Variants in CCL16 observed in about 807,000 individuals in gnomAD.
CCL16 encodes C-C motif chemokine 16.
A neutral mutation model predicts 7.5 loss-of-function variants in CCL16; 6 were observed. The ratio of observed to expected loss-of-function variants is 0.80; its 90% CI spans 0.44 to 1.57. CCL16 has a LOEUF of 1.57. Ranked by LOEUF, CCL16 falls within the 40% of genes most tolerant of loss-of-function variation. The pLI, the probability that CCL16 is intolerant of heterozygous loss-of-function variation, is 0.01. For missense variants in CCL16, 134 were observed against 142.9 expected (o/e 0.94, Z 0.32); for synonymous variants, 60 against 57.7 (o/e 1.04, Z -0.18).
In CCL16 at chr17:35,976,939, T is replaced by C. The variant is rs2089641486; in HGVS notation, c.*627A>G. The stretch of plus-strand genomic sequence containing the variant: ...TCTGGAAGGCTGGAAACTGGCTAAG[T>C]ATTTAGAATGGCTTGTGTACTGGTG... On this transcript the variant is annotated 3_prime_UTR_variant, in exon 3 of 3. Transcript: ENST00000611905. 6.6e-6 allele frequency: 1 copy of C among 152,292 alleles called. No individual in the cohort carries two copies. Among genetic ancestry groups the C allele is most frequent in the Non-Finnish European group, 1.5e-5 (1 of 68,142 alleles). 9.4% of individuals were successfully genotyped at this position (152,292 alleles called of 1,614,324 possible).
chr17:35,978,169 G>A lies in CCL16; in HGVS notation c.171C>T (p.Ala57=), dbSNP rs771166279. 4 of 1,614,136 alleles carry A rather than the reference G, an allele frequency of 2.5e-6. No individual in the cohort carries two copies. The Admixed American group carries it at 5.0e-5, about 20-fold the overall frequency. ...PRRLVVGYRK[A]LNCHLPAIIF... The stretch of plus-strand genomic sequence containing the variant: ...TGATTGCTGGCAGGTGACAGTTGAG[G>A]GCCTTTCTGTATCCCACCACTAGTC... The change falls in exon 2 of 3, where the codon GCC becomes GCT. Residue 57 remains alanine, a synonymous_variant. Transcript: ENST00000611905.
At chr17:35,981,313 C>T (rs372500078) in intron 1 of CCL16, 32 bp downstream of exon 1, 10 of 1,537,482 alleles carry the variant, frequency 6.5e-6, no homozygotes, top group East Asian at 2.3e-5. Context: ...CCCCCTTTCT[C>T]GTTCCTGCCC....
At position 35,977,648 on chromosome 17, in the gene CCL16, G is replaced by A. The variant is rs758333118; in HGVS notation, c.281C>T (p.Pro94Leu). 5 of 1,612,294 alleles carry A rather than the reference G, an allele frequency of 3.1e-6. No homozygotes were observed. Among genetic ancestry groups the A allele is most frequent in the Non-Finnish European group, 3.4e-6 (4 of 1,180,012 alleles). Residue 94 changes from proline (P) to leucine (L), a missense_variant, in exon 3 of 3, where the codon CCT (proline) becomes CTT (leucine). By Grantham distance (98) the Pro-to-Leu change is moderately conservative. Transcript: ENST00000611905. ...GGACAAGTTCCTGGTAGGCAGCAAA[G>A]GTAGGTTGGGATCCTTGATGTACTC... ...VQEYIKDPNLPLLPTRNLSTV... is the reference protein window; with the variant it reads ...VQEYIKDPNLLLLPTRNLSTV...
At chr17:35,979,808 C>T (rs1459571557) in intron 1 of CCL16, among the ~76,000 whole-genome samples, 2 of 152,136 alleles carry the variant, frequency 1.3e-5, no homozygotes, top group African/African-American at 4.8e-5. Context: ...TTTGAGCTGT[C>T]CTGACTACCC....
chr17:35,977,413 T>C lies in CCL16; in HGVS notation c.*153A>G, dbSNP rs115462077. ...TTAACTTTGGTATTTCCTCCTAAGATTGAGAAAATATTCGAAATACTTCTC... is the reference window on the plus strand; with the variant it reads ...TTAACTTTGGTATTTCCTCCTAAGACTGAGAAAATATTCGAAATACTTCTC... On this transcript the variant is annotated 3_prime_UTR_variant, in exon 3 of 3. Coordinates refer to ENST00000611905, the MANE Select transcript of CCL16 (RefSeq NM_004590.4). The C allele has an allele frequency of 2.8e-4, 169 of 609,894 alleles. No homozygotes were observed. In the African/African-American group the frequency reaches 3.0e-3, roughly 11 times the overall value. 37.8% of individuals were successfully genotyped at this position (609,894 alleles called of 1,614,324 possible).
intron 1 of CCL16, among the ~76,000 whole-genome samples, chr17:35,979,882 A>C (rs968623223): frequency 1.2e-4 from 18 of 152,144 alleles, no homozygotes; most frequent in Admixed American, 1.2e-3. Flanking sequence ...AAACCTTCAG[A>C]GTGCAAATCT....
Position 35,977,657 on chromosome 17 carries a change from G to T in CCL16, c.272C>A (p.Pro91His). The change falls in exon 3 of 3, where the codon CCC becomes CAC. Residue 91 changes from proline (P) to histidine (H), a missense_variant. By Grantham distance (77) the Pro-to-His change is moderately conservative. Coordinates refer to ENST00000611905, the MANE Select transcript of CCL16 (RefSeq NM_004590.4). Reference sequence around the variant, plus strand: ...CCTGGTAGGCAGCAAAGGTAGGTTGGGATCCTTGATGTACTCTTGGACCCA... The same window carrying T: ...CCTGGTAGGCAGCAAAGGTAGGTTGTGATCCTTGATGTACTCTTGGACCCA... ...DDWVQEYIKD[P>H]NLPLLPTRNL... The T allele has an allele frequency of 6.2e-7, 1 of 1,612,344 alleles. No individual in the cohort carries two copies. The highest frequency in any genetic ancestry group is 8.5e-7 in the Non-Finnish European group (1 of 1,180,002).
intron 1 of CCL16, 45 bp from the exon 2 acceptor site, chr17:35,978,308 G>A: frequency 6.2e-7 from 1 of 1,613,112 alleles, no homozygotes; most frequent in Non-Finnish European, 8.5e-7. Context: ...GCAGAGGGGA[G>A]ACCACAGCTG....
At chr17:35,978,108 C>T in intron 2 of CCL16, 35 bp downstream of exon 2, 1 of 1,613,982 alleles carries the variant, frequency 6.2e-7, no homozygotes, top group Non-Finnish European at 8.5e-7. Flanking sequence ...GCTCCCTGTC[C>T]CTCTCCACAG....
At chr17:35,979,766 T>C in intron 1 of CCL16, among the ~76,000 whole-genome samples, 1 of 152,218 alleles carries the variant, frequency 6.6e-6, no homozygotes, top group East Asian at 1.9e-4. Flanking sequence ...TGCAGGATAC[T>C]GGACTTGATT....
At chr17:35,978,564 C>T (rs1264409522) in intron 1 of CCL16, among the ~76,000 whole-genome samples, 2 of 152,114 alleles carry the variant, frequency 1.3e-5, no homozygotes, top group Non-Finnish European at 2.9e-5. Flanking sequence ...ATCGGGCAAA[C>T]ATGTGTTGAG....
Position 35,981,380 on chromosome 17 carries a change from A to T in CCL16, c.41T>A (p.Ile14Asn), listed in dbSNP as rs148292019. 125 of 1,613,078 alleles carry T rather than the reference A, an allele frequency of 7.7e-5. No homozygotes were observed. The highest frequency in any genetic ancestry group is 1.0e-4 in the Non-Finnish European group (122 of 1,179,684). The change falls in exon 1 of 3, where the codon ATC becomes AAC. Residue 14 changes from isoleucine to asparagine, a missense_variant. Transcript: ENST00000611905. Reference sequence around the variant, plus strand: ...GCGAGAAGCCGAAGTAATGATAAGGATGAGGACAAGGAGAGACAGGGCAGC... The same window carrying T: ...GCGAGAAGCCGAAGTAATGATAAGGTTGAGGACAAGGAGAGACAGGGCAGC... ...SEAALSLLVL[I>N]LIITSASRSQ...
In CCL16 at chr17:35,978,193, T is replaced by C; in HGVS notation, c.147A>G (p.Arg49=). ...LKYYEKVLPR[R]LVVGYRKALN... ...GGGCCTTTCTGTATCCCACCACTAG[T>C]CTCCTTGGCAACACTTTCTCATAAT... The change falls in exon 2 of 3, where the codon AGA becomes AGG. Residue 49 remains arginine (R), a synonymous_variant. Coordinates refer to ENST00000611905, the MANE Select transcript of CCL16 (RefSeq NM_004590.4). The C allele has an allele frequency of 1.9e-6, 3 of 1,614,134 alleles. No homozygotes were observed. The highest frequency in any genetic ancestry group is 2.5e-6 in the Non-Finnish European group (3 of 1,180,020).
intron 2 of CCL16, 69 bp from the exon 3 acceptor site, chr17:35,977,800 C>A (rs1489473965): frequency 7.8e-6 from 12 of 1,536,306 alleles, no homozygotes; most frequent in African/African-American, 1.4e-5. Flanking sequence ...ACCCCCACCT[C>A]TGGTTCACAT....
At chr17:35,977,799 T>G (rs1418867095) in intron 2 of CCL16, 68 bp from the exon 3 acceptor site, 1 of 1,537,716 alleles carries the variant, frequency 6.5e-7, no homozygotes, top group Non-Finnish European at 8.9e-7. Context: ...CACCCCCACC[T>G]CTGGTTCACA....
chr17:35,979,198 C>T (rs2089663147), intron 1 of CCL16, among the ~76,000 whole-genome samples: 2 of 151,820 alleles, frequency 1.3e-5, no homozygotes, highest in Non-Finnish European at 2.9e-5. Context: ...GCAGGAAAGC[C>T]TGAAGGTAGG....
intron 1 of CCL16, among the ~76,000 whole-genome samples, chr17:35,979,729 G>A (rs1019431475): frequency 2.6e-5 from 4 of 152,122 alleles, no homozygotes; most frequent in Non-Finnish European, 4.4e-5. Flanking sequence ...CCTTGGAAAT[G>A]GCGCTTCCCC....
intron 1 of CCL16, among the ~76,000 whole-genome samples, chr17:35,980,922 G>A (rs1464535559): frequency 6.6e-6 from 1 of 152,122 alleles, no homozygotes; most frequent in Non-Finnish European, 1.5e-5. Context: ...CCAATTCCTG[G>A]ACTTAGACCC....
At chr17:35,978,062 A>G in intron 2 of CCL16, 81 bp downstream of exon 2, 1 of 1,576,070 alleles carries the variant, frequency 6.3e-7, no homozygotes, top group South Asian at 1.1e-5. Context: ...TAGCATGGAG[A>G]CCTCTTGATC....
Sources: gnomAD v4.1 joint callset for allele counts (sites outside exome capture counted in the v4.1 genomes callset) on GRCh38, gnomAD v4.1.1 for gene constraint, MANE v1.5 for transcripts, NCBI Gene and HGNC (gene_info 2026-07-23, HGNC 2026-07-21) for gene names.